Variants in GFRA1 observed in about 807,000 individuals in gnomAD.
GFRA1 encodes the protein GDNF family receptor alpha-1.
Under a neutral mutation model 51.6 loss-of-function variants are expected in GFRA1, and 16 were observed. That is an observed-to-expected ratio of 0.31 (90% CI 0.21 to 0.47). The LOEUF (loss-of-function observed/expected upper bound fraction) is 0.47. Ranked by LOEUF, GFRA1 falls within the 20% of genes least tolerant of loss-of-function variation. The pLI is 1.00. For synonymous variants in GFRA1, 270 were observed against 241.3 expected, an observed-to-expected ratio of 1.12 and a Z score of -1.10; for missense variants, 530 against 594.3, an observed-to-expected ratio of 0.89 and a Z score of 1.13.
At chr10:116,239,967 G>A (rs963853744) in intron 4 of GFRA1, among the ~76,000 whole-genome samples, 5 of 152,034 alleles carry the variant, frequency 3.3e-5, no homozygotes, top group Non-Finnish European at 7.4e-5. Flanking sequence ...AGGTTACAAC[G>A]TGTCCCTCAG....
intron 4 of GFRA1, among the ~76,000 whole-genome samples, chr10:116,218,744 G>A (rs762874048): frequency 1.1e-4 from 16 of 152,184 alleles, no homozygotes; most frequent in Non-Finnish European, 2.2e-4. Context: ...AGGACTAACC[G>A]GAAGGCCTCA....
intron 5 of GFRA1, among the ~76,000 whole-genome samples, chr10:116,155,977 G>T (rs906436967): frequency 3.3e-5 from 5 of 152,196 alleles, no homozygotes; most frequent in Non-Finnish European, 5.9e-5. Flanking sequence ...GATCAGCCCC[G>T]TGCAGGCCTG....
At chr10:116,106,839 C>T (rs1256173334) in intron 6 of GFRA1, among the ~76,000 whole-genome samples, 1 of 152,114 alleles carries the variant, frequency 6.6e-6, no homozygotes, top group Non-Finnish European at 1.5e-5. Flanking sequence ...GGACAGATCC[C>T]TCATGGCTTG....
Position 116,065,592 on chromosome 10 carries a change from G to A in GFRA1, c.1232C>T (p.Thr411Ile). Residue 411 changes from threonine to isoleucine, a missense_variant, in exon 10 of 11, where the codon ACA (threonine) becomes ATA (isoleucine). Coordinates refer to ENST00000355422, the MANE Select transcript of GFRA1 (RefSeq NM_005264.8). The stretch of plus-strand genomic sequence containing the variant: ...ACTTACATTGGAAATACAGAGGTGT[G>A]TATTGCCCGACACATTGGATTTCAG... ...QKLKSNVSGN[T>I]HLCISNGNYE... The A allele has an allele frequency of 6.2e-7, 1 of 1,613,436 alleles. No homozygotes were observed. Among genetic ancestry groups the A allele is most frequent in the Non-Finnish European group, 8.5e-7 (1 of 1,179,488 alleles).
chr10:116,064,451 C>G lies in GFRA1; in HGVS notation c.1345G>C (p.Val449Leu). Residue 449 changes from valine (V) to leucine (L), a missense_variant, in exon 11 of 11, where the codon GTC becomes CTC. Transcript: ENST00000355422. The part of the protein sequence containing the change: ...PPSCGLSPLL[V>L]LVVTALSTLL... ...GTGGACAGAGCGGTTACCACCAGGA[C>G]CAGCAGTGGGCTCAGACCACAGCTT... The G allele has an allele frequency of 6.2e-7, 1 of 1,613,212 alleles. No homozygotes were observed. The highest frequency in any genetic ancestry group is 8.5e-7 in the Non-Finnish European group (1 of 1,179,744).
chr10:116,097,349 G>A (rs1400612242), intron 6 of GFRA1, among the ~76,000 whole-genome samples: 1 of 152,210 alleles, frequency 6.6e-6, no homozygotes, highest in Non-Finnish European at 1.5e-5. Context: ...GGGAACAGAA[G>A]GGGAAGCCAA....
intron 7 of GFRA1, 46 bp from the exon 8 acceptor site, chr10:116,093,882 T>A (rs1956464207): frequency 6.3e-7 from 1 of 1,597,842 alleles, no homozygotes; most frequent in Non-Finnish European, 8.6e-7. Flanking sequence ...TGATGATACT[T>A]TTCCATGGCC....
chr10:116,072,120 T>A (rs1389250599), intron 9 of GFRA1, among the ~76,000 whole-genome samples: 2 of 152,190 alleles, frequency 1.3e-5, no homozygotes, highest in Non-Finnish European at 2.9e-5. Context: ...TCAACTTAGT[T>A]TGCATTGAAG....
chr10:116,081,062 C>G (rs1002468405), intron 9 of GFRA1, among the ~76,000 whole-genome samples: 2 of 152,184 alleles, frequency 1.3e-5, no homozygotes, highest in Non-Finnish European at 2.9e-5. Flanking sequence ...GATCTGTACC[C>G]TGATAATAAA....
chr10:116,133,780 T>C (rs2134062008), intron 5 of GFRA1, among the ~76,000 whole-genome samples: 1 of 152,350 alleles, frequency 6.6e-6, no homozygotes, highest in East Asian at 1.9e-4. Context: ...ATTTCAGCCC[T>C]GACCTGCAGG....
At chr10:116,260,478 A>G (rs567561684) in intron 4 of GFRA1, among the ~76,000 whole-genome samples, 6 of 152,314 alleles carry the variant, frequency 3.9e-5, no homozygotes, top group African/African-American at 1.4e-4. Context: ...GCATAGTTCT[A>G]TATGTTTTGA....
intron 6 of GFRA1, among the ~76,000 whole-genome samples, chr10:116,101,876 T>A (rs1956829979): frequency 6.6e-6 from 1 of 152,176 alleles, no homozygotes; most frequent in Non-Finnish European, 1.5e-5. Flanking sequence ...ATGTTTAAGC[T>A]CCTAGCTTTC....
chr10:116,070,873 A>G (rs1024536974), intron 9 of GFRA1, among the ~76,000 whole-genome samples: 3 of 151,554 alleles, frequency 2.0e-5, no homozygotes, highest in Non-Finnish European at 4.4e-5. Flanking sequence ...TTTCGAAAAC[A>G]TCTGCCACTC....
chr10:116,084,930 T>C (rs565690360), intron 9 of GFRA1, among the ~76,000 whole-genome samples: 45 of 147,820 alleles, frequency 3.0e-4, no homozygotes, highest in African/African-American at 1.0e-3. Flanking sequence ...GACCATTTCA[T>C]ATAAGTAAGT....
chr10:116,128,518 G>A (rs3781526), intron 5 of GFRA1, among the ~76,000 whole-genome samples: 54,411 of 151,842 alleles, frequency 0.36, 10,005 homozygotes, highest in East Asian at 0.4. Context: ...AAGGTCAGGA[G>A]ATCGAGACCA....
At chr10:116,097,545 G>C (rs374334028) in intron 6 of GFRA1, among the ~76,000 whole-genome samples, 1 of 152,206 alleles carries the variant, frequency 6.6e-6, no homozygotes, top group African/African-American at 2.4e-5. Flanking sequence ...CCGCAGACAC[G>C]CTGGTCTGCG....
chr10:116,140,760 C>A (rs1008918334), intron 5 of GFRA1, among the ~76,000 whole-genome samples: 4 of 152,104 alleles, frequency 2.6e-5, no homozygotes, highest in Non-Finnish European at 5.9e-5. Flanking sequence ...GTCAATAACT[C>A]AGGAGTGTTT....
At chr10:116,127,812 A>G (rs909519797) in intron 5 of GFRA1, among the ~76,000 whole-genome samples, 1 of 152,218 alleles carries the variant, frequency 6.6e-6, no homozygotes, top group Non-Finnish European at 1.5e-5. Context: ...CTTGAAAGTC[A>G]ACAGTTCTCT....
intron 5 of GFRA1, among the ~76,000 whole-genome samples, chr10:116,137,449 A>G (rs1958377405): frequency 6.6e-6 from 1 of 152,102 alleles, no homozygotes; most frequent in South Asian, 2.1e-4. Flanking sequence ...CCACGAGCCT[A>G]TTTACATACC....
Sources: gnomAD v4.1 joint callset for allele counts (sites outside exome capture counted in the v4.1 genomes callset) on GRCh38, gnomAD v4.1.1 for gene constraint, MANE v1.5 for transcripts, NCBI Gene and HGNC (gene_info 2026-07-23, HGNC 2026-07-21) for gene names.